OR5K3: variants seen among roughly 807,000 people sequenced by gnomAD.
OR5K3 encodes the protein olfactory receptor 5K3.
For missense variants in OR5K3, 498 were observed against 383.2 expected, an observed-to-expected ratio of 1.30 and a Z score of -2.50; for synonymous variants, 178 against 132.6, an observed-to-expected ratio of 1.34 and a Z score of -2.35.
Position 98,391,462 on chromosome 3 carries a change from G to C in OR5K3, c.797G>C (p.Gly266Ala), listed in dbSNP as rs73854831. The change falls in exon 1 of 1, where the codon GGG (glycine) becomes GCG (alanine). Residue 266 changes from glycine to alanine, a missense_variant. By Grantham distance (60) the Gly-to-Ala change is moderately conservative. Coordinates refer to ENST00000383695, the MANE Select transcript of OR5K3 (RefSeq NM_001005516.1). ...GCTCGACCAGGTGCAGTTAATGAAG[G>C]GGATAAAGATATACCTGTTGCTATA... is the stretch of plus-strand genomic sequence containing the variant. ...MYARPGAVNEGDKDIPVAIFY... is the reference protein window; with the variant it reads ...MYARPGAVNEADKDIPVAIFY... 5,208 of 1,563,200 alleles carry C rather than the reference G, an allele frequency of 3.3e-3. 140 individuals carry two copies. The African/African-American group carries it at 0.062, about 19-fold the overall frequency.
rs1399339605 is a variant in OR5K3, at chr3:98,390,854, AG to A, written c.191del (p.Gly64AlafsTer3). The A allele has an allele frequency of 6.2e-7, 1 of 1,614,126 alleles. No individual in the cohort carries two copies. The highest frequency in any genetic ancestry group is 8.5e-7 in the Non-Finnish European group (1 of 1,180,046). On this transcript the variant is annotated frameshift_variant, in exon 1 of 1. Coordinates refer to ENST00000383695, the MANE Select transcript of OR5K3 (RefSeq NM_001005516.1). LOFTEE classifies it low-confidence loss of function (END_TRUNC). ...RLHTPMYIFL[G>X]NLVLMDSCCS... is the part of the protein sequence containing the mutation. The stretch of plus-strand genomic sequence containing the variant: ...TTCACACACCAATGTACATATTTTT[AG>A]GCAACCTAGTTCTGATGGATTCCTG...
rs1327046199 is a variant in OR5K3 at position 98,391,509 on chromosome 3, T to G, written c.844T>G (p.Leu282Val). 2 of 1,463,962 alleles carry G rather than the reference T, an allele frequency of 1.4e-6. No individual in the cohort carries two copies. Among genetic ancestry groups the G allele is most frequent in the Non-Finnish European group, 1.9e-6 (2 of 1,065,186 alleles). 90.7% of individuals were successfully genotyped at this position (1,463,962 alleles called of 1,614,324 possible). Reference sequence around the variant, plus strand: ...TATATTTTATACTTTAGTTATTCCTTTATTAAATCCTTTTATTTATAGCCT... The same window carrying G: ...TATATTTTATACTTTAGTTATTCCTGTATTAAATCCTTTTATTTATAGCCT... ...VAIFYTLVIPLLNPFIYSLRN... is the reference protein window; with the variant it reads ...VAIFYTLVIPVLNPFIYSLRN... The change falls in exon 1 of 1, where the codon TTA becomes GTA. Residue 282 changes from leucine (L) to valine (V), a missense_variant. By Grantham distance (32) the Leu-to-Val change is conservative. Transcript: ENST00000383695.
rs1707463607 is a variant in OR5K3, at chr3:98,391,042, T to C, written c.377T>C (p.Ile126Thr). The change falls in exon 1 of 1, where the codon ATA (isoleucine) becomes ACA (threonine). Residue 126 changes from isoleucine (I) to threonine (T), a missense_variant. By Grantham distance (89) the Ile-to-Thr change is moderately conservative (BLOSUM62 -1). Coordinates refer to ENST00000383695, the MANE Select transcript of OR5K3 (RefSeq NM_001005516.1). Reference protein sequence around the residue: ...AAMAYDCYVAICNPLQYHTMM... With the variant: ...AAMAYDCYVATCNPLQYHTMM... ...ATGGCCTATGACTGCTATGTGGCCA[T>C]ATGCAACCCACTGCAGTACCACACC... The C allele has an allele frequency of 6.2e-7, 1 of 1,614,092 alleles. No individual in the cohort carries two copies. Among genetic ancestry groups the C allele is most frequent in the South Asian group, 1.1e-5 (1 of 91,084 alleles).
rs1559623036 is a variant in OR5K3, at chr3:98,391,264, T to C, written c.599T>C (p.Phe200Ser). ...INPYINELVLFILAGSIQIFT... is the reference protein window; with the variant it reads ...INPYINELVLSILAGSIQIFT... ...CCTTATATCAATGAATTGGTGTTAT[T>C]TATCTTGGCAGGATCAATTCAAATC... Residue 200 changes from phenylalanine (F) to serine (S), a missense_variant, in exon 1 of 1, where the codon TTT (phenylalanine) becomes TCT (serine). Phe to Ser is a radical substitution (Grantham distance 155). Coordinates refer to ENST00000383695, the MANE Select transcript of OR5K3 (RefSeq NM_001005516.1). 1 of 1,608,968 alleles carries C rather than the reference T, an allele frequency of 6.2e-7. No individual in the cohort carries two copies.
rs376357725 is a variant in OR5K3, at chr3:98,391,126, T to C, written c.461T>C (p.Leu154Pro). 2.9e-5 allele frequency: 47 copies of C among 1,614,074 alleles called. No homozygotes were observed. Among genetic ancestry groups the C allele is most frequent in the Non-Finnish European group, 2.1e-5 (25 of 1,180,036 alleles). Residue 154 changes from leucine (L) to proline (P), a missense_variant, in exon 1 of 1, where the codon CTG becomes CCG. Transcript: ENST00000383695. ...GCAGGAGCCTACCTAGCTGGCAACC[T>C]GCATCCCATGATTGAAGTAGAGTTT... ...MTAGAYLAGN[L>P]HPMIEVEFLL... is the part of the protein sequence containing the mutation.
chr3:98,391,410 T>G lies in OR5K3; in HGVS notation c.745T>G (p.Phe249Val), dbSNP rs775321970. ...CASHFLSVSI[F>V]CDSLLFMYAR... Reference sequence around the variant, plus strand: ...ATCTCACTTTCTCTCTGTGTCAATATTCTGTGATTCCCTTCTCTTCATGTA... The same window carrying G: ...ATCTCACTTTCTCTCTGTGTCAATAGTCTGTGATTCCCTTCTCTTCATGTA... The change falls in exon 1 of 1, where the codon TTC becomes GTC. Residue 249 changes from phenylalanine (F) to valine (V), a missense_variant. Transcript: ENST00000383695. 2 of 1,606,392 alleles carry G rather than the reference T, an allele frequency of 1.2e-6. No individual in the cohort carries two copies. The highest frequency in any genetic ancestry group is 1.7e-6 in the Non-Finnish European group (2 of 1,177,686).
Position 98,391,627 on chromosome 3 carries a change from C to T in OR5K3, c.962C>T (p.Thr321Ile). Reference sequence around the variant, plus strand: ...AAACAAATGTCATCCCCTCTGGCAACTTGATAATACTTTATTTTAAATCAA... The same window carrying T: ...AAACAAATGTCATCCCCTCTGGCAATTTGATAATACTTTATTTTAAATCAA... The part of the protein sequence containing the change: ...ILKQMSSPLA[T>I] Residue 321 changes from threonine (T) to isoleucine (I), a missense_variant, in exon 1 of 1, where the codon ACT (threonine) becomes ATT (isoleucine). Transcript: ENST00000383695. The T allele has an allele frequency of 2.2e-6, 3 of 1,373,410 alleles. No homozygotes were observed. Among genetic ancestry groups the T allele is most frequent in the Admixed American group, 2.8e-5 (1 of 36,122 alleles). 85.1% of individuals were successfully genotyped at this position (1,373,410 alleles called of 1,614,324 possible). A position where few individuals can be genotyped will look rare whatever the true frequency, so the allele number is the denominator to read the frequency against.
In OR5K3 at chr3:98,391,585, AATTT is replaced by A. The variant is rs1707474171; in HGVS notation, c.921_924del (p.Lys307AsnfsTer5). 1 of 1,436,816 alleles carries A rather than the reference AATTT, an allele frequency of 7.0e-7. No homozygotes were observed. The highest frequency in any genetic ancestry group is 1.4e-5 in the African/African-American group (1 of 69,400). 89.0% of individuals were successfully genotyped at this position (1,436,816 alleles called of 1,614,324 possible). On this transcript the variant is annotated frameshift_variant, in exon 1 of 1. Transcript: ENST00000383695. LOFTEE classifies it low-confidence loss of function (END_TRUNC). Reference sequence around the variant, plus strand: ...ATGAAAAAAATTATGAAGAAGAGAAAATTTTGTCACATTCTGAAACAAATGTCAT... The same window carrying A: ...ATGAAAAAAATTATGAAGAAGAGAAATGTCACATTCTGAAACAAATGTCAT...
In OR5K3 at chr3:98,390,892, C is replaced by T. The variant is rs1707460378; in HGVS notation, c.227C>T (p.Ala76Val). 2 of 1,614,110 alleles carry T rather than the reference C, an allele frequency of 1.2e-6. No individual in the cohort carries two copies. The highest frequency in any genetic ancestry group is 1.7e-5 in the Admixed American group (1 of 60,008). ...CTGATGGATTCCTGCTGTTCCTCTGCTATTACTCCCAAGATGTTAGAGAAC... is the reference window on the plus strand; with the variant it reads ...CTGATGGATTCCTGCTGTTCCTCTGTTATTACTCCCAAGATGTTAGAGAAC... The part of the protein sequence containing the change: ...LVLMDSCCSS[A>V]ITPKMLENFF... Residue 76 changes from alanine (A) to valine (V), a missense_variant, in exon 1 of 1, where the codon GCT becomes GTT. Transcript: ENST00000383695.
At position 98,391,583 on chromosome 3, in the gene OR5K3, A is replaced by G; in HGVS notation, c.918A>G (p.Arg306=). The stretch of plus-strand genomic sequence containing the variant: ...TTATGAAAAAAATTATGAAGAAGAG[A>G]AAATTTTGTCACATTCTGAAACAAA... The part of the protein sequence containing the change: ...INIMKKIMKK[R]KFCHILKQMS... Residue 306 remains arginine, a synonymous_variant, in exon 1 of 1, where the codon AGA becomes AGG. Coordinates refer to ENST00000383695, the MANE Select transcript of OR5K3 (RefSeq NM_001005516.1). The G allele has an allele frequency of 7.0e-7, 1 of 1,437,170 alleles. No homozygotes were observed. The highest frequency in any genetic ancestry group is 9.2e-7 in the Non-Finnish European group (1 of 1,087,302). The allele number at this position is 1,437,170 out of a possible 1,614,324, so 89.0% of individuals were successfully genotyped here.
Position 98,391,422 on chromosome 3 carries a change from C to A in OR5K3, c.757C>A (p.Leu253Ile), listed in dbSNP as rs2107114432. ...FLSVSIFCDS[L>I]LFMYARPGAV... ...CTCTGTGTCAATATTCTGTGATTCC[C>A]TTCTCTTCATGTATGCTCGACCAGG... Residue 253 changes from leucine (L) to isoleucine (I), a missense_variant, in exon 1 of 1, where the codon CTT becomes ATT. Leu to Ile is a conservative substitution (Grantham distance 5). Transcript: ENST00000383695. 6.2e-7 allele frequency: 1 copy of A among 1,606,288 alleles called. No homozygotes were observed. Among genetic ancestry groups the A allele is most frequent in the Non-Finnish European group, 8.5e-7 (1 of 1,177,346 alleles).
In OR5K3 at chr3:98,391,164, A is replaced by G. The variant is rs991897182; in HGVS notation, c.499A>G (p.Thr167Ala). 4.3e-6 allele frequency: 7 copies of G among 1,613,970 alleles called. No individual in the cohort carries two copies. Among genetic ancestry groups the G allele is most frequent in the Non-Finnish European group, 5.9e-6 (7 of 1,180,034 alleles). The change falls in exon 1 of 1, where the codon ACT becomes GCT. Residue 167 changes from threonine to alanine, a missense_variant. By Grantham distance (58) the Thr-to-Ala change is moderately conservative (BLOSUM62 0). Coordinates refer to ENST00000383695, the MANE Select transcript of OR5K3 (RefSeq NM_001005516.1). ...TGAAGTAGAGTTTCTGTTGAGGTTA[A>G]CTTTCTGTGGGTCTCATCAAATCAA... ...MIEVEFLLRL[T>A]FCGSHQINHF...
rs759993231 is a variant in OR5K3 at position 98,390,775 on chromosome 3, T to C, written c.110T>C (p.Ile37Thr). Residue 37 changes from isoleucine to threonine, a missense_variant, in exon 1 of 1, where the codon ATC becomes ACC. Coordinates refer to ENST00000383695, the MANE Select transcript of OR5K3 (RefSeq NM_001005516.1). ...GTGGTGTTCTTTGCCATCTATCTGA[T>C]CACCATGGTGGGGAACATTGGTTTG... is the stretch of plus-strand genomic sequence containing the variant. ...LFVVFFAIYL[I>T]TMVGNIGLVA... 1 of 1,614,196 alleles carries C rather than the reference T, an allele frequency of 6.2e-7. No homozygotes were observed. Among genetic ancestry groups the C allele is most frequent in the Non-Finnish European group, 8.5e-7 (1 of 1,180,018 alleles).
In OR5K3 at chr3:98,390,947, G is replaced by A. The variant is rs757040525; in HGVS notation, c.282G>A (p.Leu94=). 6.2e-7 allele frequency: 1 copy of A among 1,614,208 alleles called. No homozygotes were observed. The highest frequency in any genetic ancestry group is 2.2e-5 in the East Asian group (1 of 44,888). The change falls in exon 1 of 1, where the codon CTG becomes CTA. Residue 94 remains leucine (L), a synonymous_variant. Transcript: ENST00000383695. Reference sequence around the variant, plus strand: ...TTTCTGAGGACAAAAGGATTACCCTGTATGAATGTATGGCACAATTTTATT... The same window carrying A: ...TTTCTGAGGACAAAAGGATTACCCTATATGAATGTATGGCACAATTTTATT... ...NFFSEDKRIT[L]YECMAQFYFL... is the part of the protein sequence containing the mutation.
rs1181946996 is a variant in OR5K3 at position 98,390,723 on chromosome 3, C to T, written c.58C>T (p.His20Tyr). The change falls in exon 1 of 1, where the codon CAT (histidine) becomes TAT (tyrosine). Residue 20 changes from histidine (H) to tyrosine (Y), a missense_variant. Physicochemically the swap from His to Tyr is moderately conservative, Grantham distance 83 (BLOSUM62 2). Transcript: ENST00000383695. ...AEFILTGFTY[H>Y]PKLKTVLFVV... Reference sequence around the variant, plus strand: ...GTTCATCCTCACAGGATTTACATATCATCCAAAGCTGAAGACTGTTCTGTT... The same window carrying T: ...GTTCATCCTCACAGGATTTACATATTATCCAAAGCTGAAGACTGTTCTGTT... 6.2e-7 allele frequency: 1 copy of T among 1,613,950 alleles called. No homozygotes were observed. The highest frequency in any genetic ancestry group is 1.3e-5 in the African/African-American group (1 of 74,934).
At position 98,390,908 on chromosome 3, in the gene OR5K3, G is replaced by A. The variant is rs762131036; in HGVS notation, c.243G>A (p.Met81Ile). Reference protein sequence around the residue: ...SCCSSAITPKMLENFFSEDKR... With the variant: ...SCCSSAITPKILENFFSEDKR... ...GTTCCTCTGCTATTACTCCCAAGAT[G>A]TTAGAGAACTTCTTTTCTGAGGACA... Residue 81 changes from methionine (M) to isoleucine (I), a missense_variant, in exon 1 of 1, where the codon ATG becomes ATA. Coordinates refer to ENST00000383695, the MANE Select transcript of OR5K3 (RefSeq NM_001005516.1). The A allele has an allele frequency of 3.1e-6, 5 of 1,614,226 alleles. No individual in the cohort carries two copies. Among genetic ancestry groups the A allele is most frequent in the Admixed American group, 1.7e-5 (1 of 60,024 alleles).
chr3:98,390,887 C>T lies in OR5K3; in HGVS notation c.222C>T (p.Ser74=). The T allele has an allele frequency of 6.2e-7, 1 of 1,614,236 alleles. No homozygotes were observed. Among genetic ancestry groups the T allele is most frequent in the Non-Finnish European group, 8.5e-7 (1 of 1,180,038 alleles). The change falls in exon 1 of 1, where the codon TCC becomes TCT. Residue 74 remains serine (S), a synonymous_variant. Coordinates refer to ENST00000383695, the MANE Select transcript of OR5K3 (RefSeq NM_001005516.1). Reference sequence around the variant, plus strand: ...TAGTTCTGATGGATTCCTGCTGTTCCTCTGCTATTACTCCCAAGATGTTAG... The same window carrying T: ...TAGTTCTGATGGATTCCTGCTGTTCTTCTGCTATTACTCCCAAGATGTTAG... ...GNLVLMDSCC[S]SAITPKMLEN...
In OR5K3 at chr3:98,391,088, C is replaced by T; in HGVS notation, c.423C>T (p.Cys141=). 1.9e-6 allele frequency: 3 copies of T among 1,614,242 alleles called. No individual in the cohort carries two copies. Among genetic ancestry groups the T allele is most frequent in the Non-Finnish European group, 2.5e-6 (3 of 1,180,040 alleles). Residue 141 remains cysteine (C), a synonymous_variant, in exon 1 of 1, where the codon TGC becomes TGT. Coordinates refer to ENST00000383695, the MANE Select transcript of OR5K3 (RefSeq NM_001005516.1). ...ACACCATGATGTCCAAGACACTCTGCATTCAGATGACTGCAGGAGCCTACC... is the reference window on the plus strand; with the variant it reads ...ACACCATGATGTCCAAGACACTCTGTATTCAGATGACTGCAGGAGCCTACC... ...QYHTMMSKTL[C]IQMTAGAYLA...
rs1440684756 is a variant in OR5K3, at chr3:98,391,172, T to C, written c.507T>C (p.Cys169=). The part of the protein sequence containing the change: ...EVEFLLRLTF[C]GSHQINHFFC... ...AGTTTCTGTTGAGGTTAACTTTCTG[T>C]GGGTCTCATCAAATCAATCATTTTT... The change falls in exon 1 of 1, where the codon TGT becomes TGC. Residue 169 remains cysteine (C), a synonymous_variant. Coordinates refer to ENST00000383695, the MANE Select transcript of OR5K3 (RefSeq NM_001005516.1). 3 of 1,613,996 alleles carry C rather than the reference T, an allele frequency of 1.9e-6. No homozygotes were observed. Among genetic ancestry groups the C allele is most frequent in the Non-Finnish European group, 2.5e-6 (3 of 1,180,042 alleles).
Sources: gnomAD v4.1 joint callset for allele counts on GRCh38, gnomAD v4.1.1 for gene constraint, MANE v1.5 for transcripts, NCBI Gene and HGNC (gene_info 2026-07-23, HGNC 2026-07-21) for gene names.